The following KMT2D variants were observed in gnomAD, a reference collection of about 807,000 sequenced individuals.
KMT2D encodes lysine methyltransferase 2D, also known as histone-lysine N-methyltransferase 2D.
Under a neutral mutation model 512.7 loss-of-function variants are expected in KMT2D, and 55 were observed. The observed-to-expected ratio is 0.11, with a 90% confidence interval of 0.09 to 0.13. The LOEUF (loss-of-function observed/expected upper bound fraction) is 0.13. Ranked by LOEUF, KMT2D falls within the 10% of genes least tolerant of loss-of-function variation. The probability of loss-of-function intolerance (pLI) is 1.00; values close to 1 mark genes in which losing one functional copy is unlikely to be tolerated. For missense variants in KMT2D, 6,061 were observed against 7,127.9 expected (o/e 0.85, Z 5.39); for synonymous variants, 2,995 against 2,904.0 (o/e 1.03, Z -1.01).
At position 49,030,610 on chromosome 12, in the gene KMT2D, C is replaced by A; in HGVS notation, c.13830G>T (p.Leu4610=). 4 of 1,566,586 alleles carry A rather than the reference C, an allele frequency of 2.6e-6. No individual in the cohort carries two copies. The highest frequency in any genetic ancestry group is 1.2e-5 in the South Asian group (1 of 85,804). ...LPTGPDYYSQ[L]LTKNNLSNPP... is the part of the protein sequence containing the mutation. ...TTGCCATTTTTCTGACCTTGGTAAG[C>A]AGCTGGGAATAGTAGTCAGGGCCAG... is the stretch of plus-strand genomic sequence containing the variant. Residue 4610 remains leucine (L), a synonymous_variant, in exon 42 of 55, where the codon CTG becomes CTT. Coordinates refer to ENST00000301067, the MANE Select transcript of KMT2D (RefSeq NM_003482.4).
chr12:49,023,773 T>C lies in KMT2D; in HGVS notation c.16052+805A>G, dbSNP rs552379395. ...GGCACTCACAGTTTGAAAACCACCA[T>C]TGCAGGGCATCAAGGACAAGGCTGG... On this transcript the variant is annotated intron_variant, in intron 51 of 54. Coordinates refer to ENST00000301067, the MANE Select transcript of KMT2D (RefSeq NM_003482.4). 2.0e-4 allele frequency among the ~76,000 whole-genome samples: 31 copies of C among 152,290 alleles called. 1 individual carries two copies. In the East Asian group the frequency reaches 4.8e-3, roughly 24 times the overall value.
rs1942351140 is a variant in KMT2D, at chr12:49,022,007, G to A, written c.16521+36C>T. 6.3e-7 allele frequency: 1 copy of A among 1,586,434 alleles called. No individual in the cohort carries two copies. Among genetic ancestry groups the A allele is most frequent in the African/African-American group, 1.3e-5 (1 of 74,410 alleles). ...CAGAGAAGGGGTGAAAGGAGGAGGA[G>A]CTGCTTTGTCACTCAGTCAGGATAC... On this transcript the variant is annotated intron_variant, in intron 54 of 54. Coordinates refer to ENST00000301067, the MANE Select transcript of KMT2D (RefSeq NM_003482.4). The surrounding 1 kb of genome is among the most constrained non-coding windows in gnomAD (Gnocchi z 8.6).
Position 49,038,236 on chromosome 12 carries a change from G to A in KMT2D, c.9120C>T (p.Asp3040=), listed in dbSNP as rs2120492710. Residue 3040 remains aspartate, a synonymous_variant, in exon 35 of 55, where the codon GAC becomes GAT. Transcript: ENST00000301067. This position sits in a 1 kb window ranked among gnomAD's most constrained non-coding sequence, Gnocchi z 5.7. ...GGTCAAACTCGTCTCCATTGAGCAG[G>A]TCATCCAAGTGGGGGTCATTGGTCT... ...NLETNDPHLD[D]LLNGDEFDLL... The A allele has an allele frequency of 6.2e-7, 1 of 1,613,880 alleles. No homozygotes were observed. The highest frequency in any genetic ancestry group is 8.5e-7 in the Non-Finnish European group (1 of 1,179,902).
At position 49,049,155 on chromosome 12, in the gene KMT2D, T is replaced by C; in HGVS notation, c.3970A>G (p.Arg1324Gly). ...GTTGACTTTAGCCGGGCCCGTCCTC[T>C]ACCACGTCCTCCATGGGCTCCTCCA... is the stretch of plus-strand genomic sequence containing the variant. ...PRGGAHGGRG[R>G]GRARLKSTAS... Residue 1324 changes from arginine to glycine, a missense_variant, in exon 13 of 55, where the codon AGA becomes GGA. Coordinates refer to ENST00000301067, the MANE Select transcript of KMT2D (RefSeq NM_003482.4). The C allele has an allele frequency of 6.2e-7, 1 of 1,612,144 alleles. No individual in the cohort carries two copies. Among genetic ancestry groups the C allele is most frequent in the Non-Finnish European group, 8.5e-7 (1 of 1,179,060 alleles).
Position 49,031,896 on chromosome 12 carries a change from T to G in KMT2D, c.12809A>C (p.Gln4270Pro). The change falls in exon 40 of 55, where the codon CAG becomes CCG. Residue 4270 changes from glutamine (Q) to proline (P), a missense_variant. Around this residue, in one of 16 missense-constraint regions of KMT2D, gnomAD observed 1,600 missense variants for 1,754.9 expected, o/e 0.91. Coordinates refer to ENST00000301067, the MANE Select transcript of KMT2D (RefSeq NM_003482.4). ...CCCTAGCTCCTGGAGGGGGCCTGTCTGTGGTCCAGGGAAGCCCCCAAGTTG... is the reference window on the plus strand; with the variant it reads ...CCCTAGCTCCTGGAGGGGGCCTGTCGGTGGTCCAGGGAAGCCCCCAAGTTG... The part of the protein sequence containing the change: ...QPQLGGFPGP[Q>P]TGPLQELGAG... 1.3e-6 allele frequency: 2 copies of G among 1,534,014 alleles called. No individual in the cohort carries two copies. The highest frequency in any genetic ancestry group is 1.4e-5 in the African/African-American group (1 of 72,314).
chr12:49,020,304 G>T lies in KMT2D; in HGVS notation c.*1476C>A, dbSNP rs1942252620. 3 of 174,816 alleles carry T rather than the reference G, an allele frequency of 1.7e-5. No homozygotes were observed. Among genetic ancestry groups the T allele is most frequent in the Admixed American group, 1.3e-4 (2 of 15,778 alleles). The allele number at this position is 174,816 out of a possible 1,614,324, so 10.8% of individuals were successfully genotyped here. A position where few individuals can be genotyped will look rare whatever the true frequency, so the allele number is the denominator to read the frequency against. ...CCAGGGGGTGGGGAGTGGGGTGGGG[G>T]GTGAGGAAAAGGGCGGTAGGTCGGG... On this transcript the variant is annotated 3_prime_UTR_variant, in exon 55 of 55. Coordinates refer to ENST00000301067, the MANE Select transcript of KMT2D (RefSeq NM_003482.4).
In KMT2D at chr12:49,031,383, C is replaced by T. The variant is rs1210731384; in HGVS notation, c.13322G>A (p.Gly4441Glu). ...VKREANGEPI[G>E]APGTSNHLLL... ...GAGGTGGTTGCTGGTTCCTGGTGCC[C>T]CTATTGGCTCCCCATTGGCCTCCCT... The change falls in exon 40 of 55, where the codon GGG becomes GAG. Residue 4441 changes from glycine to glutamate, a missense_variant. By Grantham distance (98) the Gly-to-Glu change is moderately conservative. Around this residue, in one of 16 missense-constraint regions of KMT2D, gnomAD observed 1,600 missense variants for 1,754.9 expected, o/e 0.91. Transcript: ENST00000301067. 6.2e-7 allele frequency: 1 copy of T among 1,613,570 alleles called. No individual in the cohort carries two copies.
At position 49,041,587 on chromosome 12, in the gene KMT2D, A is replaced by G. The variant is rs1592138203; in HGVS notation, c.6235-52T>C. On this transcript the variant is annotated intron_variant, in intron 31 of 54. Coordinates refer to ENST00000301067, the MANE Select transcript of KMT2D (RefSeq NM_003482.4). This position sits in a 1 kb window ranked among gnomAD's most constrained non-coding sequence, Gnocchi z 5.4. ...AGTCAGGCTGCTGCAGGCAGGCCCC[A>G]TGGCCCTCCACCCTCAAGAGAGGCC... 6.2e-7 allele frequency: 1 copy of G among 1,612,674 alleles called. No homozygotes were observed.
rs759417745 is a variant in KMT2D, at chr12:49,044,558, G to T, written c.4964-36C>A. The T allele has an allele frequency of 1.4e-5, 23 of 1,610,150 alleles. No homozygotes were observed. Among genetic ancestry groups the T allele is most frequent in the Non-Finnish European group, 1.8e-5 (21 of 1,178,134 alleles). On this transcript the variant is annotated intron_variant, in intron 20 of 54. Transcript: ENST00000301067. This position sits in a 1 kb window ranked among gnomAD's most constrained non-coding sequence, Gnocchi z 6.4. ...TGACAGAAGAGATGGAGGCAAATCA[G>T]AACTATAGGCCCTTTTAACCTTGTC...
At position 49,030,491 on chromosome 12, in the gene KMT2D, T is replaced by C. The variant is rs1942844799; in HGVS notation, c.13840-52A>G. On this transcript the variant is annotated intron_variant, in intron 42 of 54. Coordinates refer to ENST00000301067, the MANE Select transcript of KMT2D (RefSeq NM_003482.4). ...GTGCAAGATGGCATAGGGAGACTGA[T>C]ATAATCTCCTGGCCCCACTCTACGT... The C allele has an allele frequency of 2.2e-6, 3 of 1,352,406 alleles. 1 individual carries two copies. The South Asian group carries it at 4.0e-5, about 18-fold the overall frequency. The allele number at this position is 1,352,406 out of a possible 1,614,324, so 83.8% of individuals were successfully genotyped here.
At position 49,024,144 on chromosome 12, in the gene KMT2D, T is replaced by C. The variant is rs1942456882; in HGVS notation, c.16052+434A>G. 1 of 445,204 alleles carries C rather than the reference T, an allele frequency of 2.2e-6. No individual in the cohort carries two copies. The highest frequency in any genetic ancestry group is 4.4e-6 in the Non-Finnish European group (1 of 225,974). The allele number at this position is 445,204 out of a possible 1,614,324, so 27.6% of individuals were successfully genotyped here. ...AAAGTGCTATACAAATGTAAGGTTT[T>C]ATTATTTTTCTATTATATCTCTAAC... On this transcript the variant is annotated intron_variant, in intron 51 of 54. Coordinates refer to ENST00000301067, the MANE Select transcript of KMT2D (RefSeq NM_003482.4). The surrounding 1 kb of genome is among the most constrained non-coding windows in gnomAD (Gnocchi z 4.5).
rs1943000692 is a variant in KMT2D at position 49,032,849 on chromosome 12, T to C, written c.11856A>G (p.Gln3952=). 1.9e-6 allele frequency: 3 copies of C among 1,549,954 alleles called. No individual in the cohort carries two copies. In the East Asian group the frequency reaches 7.3e-5, roughly 38 times the overall value. The change falls in exon 40 of 55, where the codon CAA becomes CAG. Residue 3952 remains glutamine (Q), a synonymous_variant. Coordinates refer to ENST00000301067, the MANE Select transcript of KMT2D (RefSeq NM_003482.4). ...GTTGCTGTTGCTGTTGTAGCTGCTG[T>C]TGCTGCTGTTGAAGCTGTTGCTGCT... ...QQQQQQLQQQ[Q]QQLQQQQQQQ... is the part of the protein sequence containing the mutation.
In KMT2D at chr12:49,039,824, C is replaced by T. The variant is rs1397614914; in HGVS notation, c.7946G>A (p.Gly2649Glu). The T allele has an allele frequency of 1.2e-6, 2 of 1,614,030 alleles. No individual in the cohort carries two copies. Among genetic ancestry groups the T allele is most frequent in the South Asian group, 1.1e-5 (1 of 91,088 alleles). Reference sequence around the variant, plus strand: ...CGCCAAAGAGCTACCCATTCCAGTCCCTGGGTCTTCTCGCTTTTCGACAGG... The same window carrying T: ...CGCCAAAGAGCTACCCATTCCAGTCTCTGGGTCTTCTCGCTTTTCGACAGG... ...TSPVEKREDP[G>E]TGMGSSLATA... is the part of the protein sequence containing the mutation. The change falls in exon 32 of 55, where the codon GGG becomes GAG. Residue 2649 changes from glycine to glutamate, a missense_variant. Physicochemically the swap from Gly to Glu is moderately conservative, Grantham distance 98 (BLOSUM62 -2). Transcript: ENST00000301067. The surrounding 1 kb of genome is among the most constrained non-coding windows in gnomAD (Gnocchi z 5.0).
Position 49,060,536 on chromosome 12 carries a change from G to C in KMT2D, c.-961C>G, listed in dbSNP as rs1226703465. Among the ~76,000 whole-genome samples the C allele has an allele frequency of 6.6e-6, 1 of 152,238 alleles. No individual in the cohort carries two copies. The highest frequency in any genetic ancestry group is 2.4e-5 in the African/African-American group (1 of 41,470). ...GTCAGGAAACTGAGCGGAAAGTGGGGAACGAGGCAGCCATTTGCAACCGGA... is the reference window on the plus strand; with the variant it reads ...GTCAGGAAACTGAGCGGAAAGTGGGCAACGAGGCAGCCATTTGCAACCGGA... On this transcript the variant is annotated 5_prime_UTR_variant, in exon 1 of 55. Coordinates refer to ENST00000301067, the MANE Select transcript of KMT2D (RefSeq NM_003482.4).
rs199742377 is a variant in KMT2D at position 49,040,137 on chromosome 12, G to C, written c.7633C>G (p.Pro2545Ala). 1.9e-6 allele frequency: 3 copies of C among 1,613,846 alleles called. No individual in the cohort carries two copies. Among genetic ancestry groups the C allele is most frequent in the Non-Finnish European group, 2.5e-6 (3 of 1,179,818 alleles). Reference protein sequence around the residue: ...RFTFPQAVGEPSLKPPVPQPG... With the variant: ...RFTFPQAVGEASLKPPVPQPG... ...TGAGGGACAGGGGGCTTTAGGGAAG[G>C]CTCCCCTACTGCCTGAGGGAAAGTG... The change falls in exon 32 of 55, where the codon CCT (proline) becomes GCT (alanine). Residue 2545 changes from proline (P) to alanine (A), a missense_variant. Around this residue, in one of 16 missense-constraint regions of KMT2D, gnomAD observed 710 missense variants for 647.3 expected, o/e 1.10. Transcript: ENST00000301067.
At chr12:49,028,487 A>C (rs534659777) in intron 46 of KMT2D, among the ~76,000 whole-genome samples, 23 of 152,302 alleles carry the variant, frequency 1.5e-4, no homozygotes, top group African/African-American at 5.3e-4. Flanking sequence ...GTGTTTTCCA[A>C]CTTTCTTTGA....
Position 49,039,555 on chromosome 12 carries a change from C to G in KMT2D, c.8109G>C (p.Glu2703Asp). 6.2e-7 allele frequency: 1 copy of G among 1,611,916 alleles called. No individual in the cohort carries two copies. ...CTGCAGCTGCTGCAGCTGTTTCCTT[C>G]TCCTGCCGCAGGGTGTTGCGCTGGA... ...QQIQRNTLRQ[E>D]KETAAAAAGA... The change falls in exon 33 of 55, where the codon GAG becomes GAC. Residue 2703 changes from glutamate to aspartate, a missense_variant. Physicochemically the swap from Glu to Asp is conservative, Grantham distance 45. Around this residue, in one of 16 missense-constraint regions of KMT2D, gnomAD observed 527 missense variants for 578.9 expected, o/e 0.91. Coordinates refer to ENST00000301067, the MANE Select transcript of KMT2D (RefSeq NM_003482.4). This position sits in a 1 kb window ranked among gnomAD's most constrained non-coding sequence, Gnocchi z 5.0.
rs1279112810 is a variant in KMT2D, at chr12:49,040,448, G to A, written c.7322C>T (p.Thr2441Ile). 1 of 1,562,314 alleles carries A rather than the reference G, an allele frequency of 6.4e-7. No homozygotes were observed. The highest frequency in any genetic ancestry group is 8.7e-7 in the Non-Finnish European group (1 of 1,152,966). The part of the protein sequence containing the change: ...SAEAFCPSPV[T>I]PRFQSPDPYS... ...AGGGTCAGGGGACTGGAAGCGAGGG[G>A]TAACGGGTGATGGGCAAAAAGCTTC... The change falls in exon 32 of 55, where the codon ACC (threonine) becomes ATC (isoleucine). Residue 2441 changes from threonine to isoleucine, a missense_variant. Physicochemically the swap from Thr to Ile is moderately conservative, Grantham distance 89. This residue lies in a region of KMT2D where 710 missense variants were observed against 647.3 expected (regional missense o/e 1.10). Transcript: ENST00000301067.
Position 49,032,273 on chromosome 12 carries a change from C to T in KMT2D, c.12432G>A (p.Gln4144=), listed in dbSNP as rs2120429948. 1 of 1,613,940 alleles carries T rather than the reference C, an allele frequency of 6.2e-7. No individual in the cohort carries two copies. The highest frequency in any genetic ancestry group is 8.5e-7 in the Non-Finnish European group (1 of 1,179,864). The part of the protein sequence containing the change: ...LAQPSVSLGD[Q]PGSMTQNLLG... ...GAAGGTTCTGGGTCATGGACCCAGG[C>T]TGATCCCCTAAGGAAACAGAGGGCT... Residue 4144 remains glutamine, a synonymous_variant, in exon 40 of 55, where the codon CAG becomes CAA. Transcript: ENST00000301067.
Sources: allele counts gnomAD v4.1 joint callset (sites outside exome capture counted in the v4.1 genomes callset), GRCh38; gene constraint gnomAD v4.1.1; regional missense constraint gnomAD v4.1.1; non-coding constraint Gnocchi (gnomAD v3.1); transcripts MANE v1.5; gene names NCBI Gene and HGNC (gene_info 2026-07-23, HGNC 2026-07-21).